The following INPP4B variants were observed in gnomAD, a reference collection of about 807,000 sequenced individuals.
INPP4B encodes inositol polyphosphate-4-phosphatase type II B.
INPP4B carries 55 observed loss-of-function variants against 122.5 expected under a neutral mutation model. The ratio of observed to expected loss-of-function variants is 0.45; its 90% confidence interval spans 0.36 to 0.56. INPP4B has a LOEUF of 0.56. INPP4B is among the 20% of genes least tolerant of loss of function. The probability of loss-of-function intolerance (pLI) is 0.00; values close to 1 mark genes in which losing one functional copy is unlikely to be tolerated. For missense variants in INPP4B, 1,000 were observed against 1,097.7 expected, an observed-to-expected ratio of 0.91 and a Z score of 1.26; for synonymous variants, 403 against 388.7, an observed-to-expected ratio of 1.04 and a Z score of -0.43.
chr4:142,406,087 C>T (rs1339479057), intron 5 of INPP4B, among the ~76,000 whole-genome samples: 1 of 152,138 alleles, frequency 6.6e-6, no homozygotes, highest in Non-Finnish European at 1.5e-5. Flanking sequence ...GAAAAATATT[C>T]CTTTTAAGCA....
chr4:142,831,799 C>T (rs1343755127), intron 1 of INPP4B, among the ~76,000 whole-genome samples: 9 of 152,174 alleles, frequency 5.9e-5, no homozygotes, highest in Non-Finnish European at 1.0e-4. Flanking sequence ...ATAGAAGATG[C>T]TTCATAGAAA....
intron 15 of INPP4B, among the ~76,000 whole-genome samples, chr4:142,179,065 GA>G (rs1043609141): frequency 1.3e-5 from 2 of 151,884 alleles, no homozygotes; most frequent in Non-Finnish European, 2.9e-5. Context: ...AAAAGAATTA[GA>G]AAAAAACAAA....
chr4:142,657,086 T>C (rs1754295774), intron 2 of INPP4B, among the ~76,000 whole-genome samples: 1 of 152,180 alleles, frequency 6.6e-6, no homozygotes, highest in South Asian at 2.1e-4. Context: ...CCCTGTCTCT[T>C]AAAGGGCTGC....
intron 24 of INPP4B, among the ~76,000 whole-genome samples, chr4:142,084,525 AT>A (rs1344320468): frequency 6.6e-6 from 1 of 152,204 alleles, no homozygotes; most frequent in African/African-American, 2.4e-5. Flanking sequence ...TTAACAAAAT[AT>A]TTTTGGAAAA....
At chr4:142,667,775 G>A (rs914347500) in intron 2 of INPP4B, among the ~76,000 whole-genome samples, 1 of 152,164 alleles carries the variant, frequency 6.6e-6, no homozygotes, top group African/African-American at 2.4e-5. Context: ...AGGCCTCACA[G>A]TAGATGATTG....
At chr4:142,348,616 ACTT>A (rs1441464072) in intron 7 of INPP4B, among the ~76,000 whole-genome samples, 3 of 152,030 alleles carry the variant, frequency 2.0e-5, no homozygotes, top group Non-Finnish European at 4.4e-5. Flanking sequence ...AAATAAAAGA[ACTT>A]CTTTCTCAAT....
At chr4:142,059,868 G>T (rs1759664660) in intron 25 of INPP4B, among the ~76,000 whole-genome samples, 1 of 152,088 alleles carries the variant, frequency 6.6e-6, no homozygotes. Context: ...TTGAAGACAA[G>T]CTGGTTCTGG....
At position 142,832,094 on chromosome 4, in the gene INPP4B, C is replaced by T. The variant is rs181195897; in HGVS notation, c.-254+14115G>A. 8.9e-4 allele frequency among the ~76,000 whole-genome samples: 136 copies of T among 152,262 alleles called. No individual in the cohort carries two copies. The East Asian group carries it at 9.8e-3, about 11-fold the overall frequency. ...TTCTACATTTAGCTGCCAATTTCTA[C>T]GGATGGCTTTAACCAGTGGATTTGA... On this transcript the variant is annotated intron_variant, in intron 1 of 25. Transcript: ENST00000262992.
chr4:142,786,202 A>C (rs1775738217), intron 1 of INPP4B, among the ~76,000 whole-genome samples: 1 of 152,254 alleles, frequency 6.6e-6, no homozygotes, highest in Non-Finnish European at 1.5e-5. Flanking sequence ...GGACTGAGGC[A>C]AGAAATATCC....
intron 2 of INPP4B, among the ~76,000 whole-genome samples, chr4:142,595,864 T>C (rs1247016807): frequency 6.6e-6 from 1 of 152,128 alleles, no homozygotes; most frequent in East Asian, 1.9e-4. Context: ...TTTATTTATT[T>C]ATTTTTATTT....
chr4:142,751,630 C>G (rs1419164835), intron 1 of INPP4B, among the ~76,000 whole-genome samples: 3 of 151,988 alleles, frequency 2.0e-5, no homozygotes. Context: ...ATATGCCATG[C>G]TCTATTCAAT....
At chr4:142,331,942 T>C (rs917496979) in intron 7 of INPP4B, among the ~76,000 whole-genome samples, 1 of 152,082 alleles carries the variant, frequency 6.6e-6, no homozygotes, top group African/African-American at 2.4e-5. Context: ...AAACCTAAGG[T>C]TGTCAGTGCA....
rs1168063908 is a variant in INPP4B at position 142,382,581 on chromosome 4, A to ATATATACTATAAATATATATTTATATAT, written c.372+20356_372+20357insATATATAAATATATATTTATAGTATATA. On this transcript the variant is annotated intron_variant, in intron 7 of 25. Coordinates refer to ENST00000262992, the MANE Select transcript of INPP4B (RefSeq NM_001101669.3). ...CATTTATGTTTATATATTATATATT[A>ATATATACTATAAATATATATTTATATAT]TATATATACTATAAATATATATATT... Among the ~76,000 whole-genome samples the ATATATACTATAAATATATATTTATATAT allele has an allele frequency of 7.9e-4, 77 of 96,948 alleles. 5 individuals carry two copies. The highest frequency in any genetic ancestry group is 4.3e-3 in the African/African-American group (73 of 16,960). The allele number at this position is 96,948 out of a possible 152,430, so 63.6% of individuals were successfully genotyped here. A position where few individuals can be genotyped will look rare whatever the true frequency, so the allele number is the denominator to read the frequency against.
chr4:142,422,758 G>C (rs1311321554), intron 5 of INPP4B, among the ~76,000 whole-genome samples: 1 of 152,124 alleles, frequency 6.6e-6, no homozygotes, highest in Non-Finnish European at 1.5e-5. Flanking sequence ...AGGCTGCAGT[G>C]AGCTATGATT....
At chr4:142,587,627 CAT>C (rs1359591083) in intron 2 of INPP4B, among the ~76,000 whole-genome samples, 17 of 152,054 alleles carry the variant, frequency 1.1e-4, no homozygotes, top group Admixed American at 1.1e-3. Flanking sequence ...ATAATAATCA[CAT>C]CAGGGTAAAT....
At chr4:142,691,809 G>A (rs75786853) in intron 2 of INPP4B, among the ~76,000 whole-genome samples, 4,316 of 152,058 alleles carry the variant, frequency 0.028, 77 homozygotes, top group Non-Finnish European at 0.041. Flanking sequence ...CATCAAAAAC[G>A]TGGGGGGGAC....
chr4:142,382,629 A>T (rs1342441092), intron 7 of INPP4B, among the ~76,000 whole-genome samples: 1 of 116,798 alleles, frequency 8.6e-6, no homozygotes, highest in Non-Finnish European at 1.8e-5. Context: ...ATATACTATA[A>T]ATATATACAT....
chr4:142,045,693 G>A (rs1750970470), intron 25 of INPP4B, among the ~76,000 whole-genome samples: 1 of 152,068 alleles, frequency 6.6e-6, no homozygotes, highest in South Asian at 2.1e-4. Context: ...CAAAATGTGT[G>A]TAATTAAATA....
At chr4:142,255,103 T>A (rs1164753305) in intron 11 of INPP4B, among the ~76,000 whole-genome samples, 2 of 151,618 alleles carry the variant, frequency 1.3e-5, no homozygotes, top group Non-Finnish European at 2.9e-5. Flanking sequence ...CCAGCCAAAC[T>A]AAGCTTCATA....
Sources: gnomAD v4.1 joint callset for allele counts (sites outside exome capture counted in the v4.1 genomes callset) on GRCh38, gnomAD v4.1.1 for gene constraint, MANE v1.5 for transcripts, NCBI Gene and HGNC (gene_info 2026-07-23, HGNC 2026-07-21) for gene names.